Variants in NRDE2 observed in about 807,000 individuals in gnomAD.
NRDE2 encodes the protein NRDE-2, necessary for RNA interference, domain containing, also known as nuclear exosome regulator NRDE2.
In NRDE2, 76 loss-of-function variants were observed where a neutral mutation model predicts 124.2. That is an observed-to-expected ratio of 0.61 (90% CI 0.51 to 0.74). The LOEUF (loss-of-function observed/expected upper bound fraction) is 0.74, where lower values mean the gene tolerates loss of function less well. NRDE2 is among the 30% of genes least tolerant of loss of function. The pLI, the probability that NRDE2 is intolerant of heterozygous loss-of-function variation, is 0.00. For missense variants in NRDE2, 1,314 were observed against 1,417.3 expected (o/e 0.93, Z 1.17); for synonymous variants, 489 against 528.1 (o/e 0.93, Z 1.01).
chr14:90,311,030 T>C (rs1884816875), intron 4 of NRDE2, among the ~76,000 whole-genome samples: 2 of 152,190 alleles, frequency 1.3e-5, no homozygotes, highest in Admixed American at 1.3e-4. Context: ...GAAGGAAATT[T>C]TAGTTGGAAT....
At chr14:90,330,634 G>A (rs1885652072) in intron 1 of NRDE2, among the ~76,000 whole-genome samples, 1 of 152,048 alleles carries the variant, frequency 6.6e-6, no homozygotes, top group South Asian at 2.1e-4. Context: ...AACACAGTGA[G>A]ACCTCGTCTC....
chr14:90,310,261 C>A (rs556101811), intron 4 of NRDE2, among the ~76,000 whole-genome samples: 1 of 152,296 alleles, frequency 6.6e-6, no homozygotes, highest in African/African-American at 2.4e-5. Context: ...CATCTTTCTG[C>A]ATGGGTGGTG....
chr14:90,323,928 G>T (rs1868767812), intron 1 of NRDE2, among the ~76,000 whole-genome samples: 1 of 152,032 alleles, frequency 6.6e-6, no homozygotes, highest in African/African-American at 2.4e-5. Context: ...ACTGGTCTAG[G>T]TGCTAGGAAT....
intron 10 of NRDE2, among the ~76,000 whole-genome samples, chr14:90,290,012 A>C (rs868004183): frequency 3.9e-5 from 6 of 152,324 alleles, no homozygotes; most frequent in South Asian, 4.1e-4. Context: ...CTCGAGAGTC[A>C]CTGAGGTAGC....
Position 90,269,183 on chromosome 14 carries a change from G to T in NRDE2, c.*9153C>A. On this transcript the variant is annotated 3_prime_UTR_variant, in exon 14 of 14. Transcript: ENST00000354366. ...CCTCATCTCTTAGCCACACAGTAGG[G>T]ATTAAGTTTCAACACATAAATTTGG... is the stretch of plus-strand genomic sequence containing the variant. 1 of 544,294 alleles carries T rather than the reference G, an allele frequency of 1.8e-6. No homozygotes were observed. The highest frequency in any genetic ancestry group is 3.3e-6 in the Non-Finnish European group (1 of 307,106). 33.7% of individuals were successfully genotyped at this position (544,294 alleles called of 1,614,324 possible).
intron 2 of NRDE2, among the ~76,000 whole-genome samples, chr14:90,317,510 C>A (rs1165735054): frequency 6.6e-6 from 1 of 152,106 alleles, no homozygotes; most frequent in Non-Finnish European, 1.5e-5. Flanking sequence ...ACCTATTCAC[C>A]CTATTAATGA....
Position 90,285,391 on chromosome 14 carries a change from T to G in NRDE2, c.3297+963A>C, listed in dbSNP as rs1273681702. On this transcript the variant is annotated intron_variant, in intron 12 of 13. Transcript: ENST00000354366. ...ACCTTGGCTCACTGCAGCCTCTGCC[T>G]CCCGCGTTCCAGCGATTCTCCTGCC... is the stretch of plus-strand genomic sequence containing the variant. Among the ~76,000 whole-genome samples, 14 of 136,382 alleles carry G rather than the reference T, an allele frequency of 1.0e-4. No individual in the cohort carries two copies. The Admixed American group carries it at 1.1e-3, about 11-fold the overall frequency. The allele number at this position is 136,382 out of a possible 152,430, so 89.5% of individuals were successfully genotyped here.
intron 7 of NRDE2, 33 bp from the exon 8 acceptor site, chr14:90,298,413 A>T (rs1458224251): frequency 6.2e-7 from 1 of 1,612,862 alleles, no homozygotes; most frequent in Non-Finnish European, 8.5e-7. Flanking sequence ...GTTAGACCTC[A>T]CTTGTATAAA....
rs138048520 is a variant in NRDE2 at position 90,300,398 on chromosome 14, C to G, written c.1545+841G>C. 4.1e-4 allele frequency among the ~76,000 whole-genome samples: 62 copies of G among 152,260 alleles called. No homozygotes were observed. The East Asian group carries it at 0.011, about 27-fold the overall frequency. On this transcript the variant is annotated intron_variant, in intron 7 of 13. Transcript: ENST00000354366. ...CTTTACTGGCAATTCATGAAACTCC[C>G]ACATGACGGAGGCCTTGGCCTCTCA...
intron 4 of NRDE2, among the ~76,000 whole-genome samples, chr14:90,311,187 T>C (rs999289598): frequency 6.6e-6 from 1 of 152,252 alleles, no homozygotes; most frequent in Admixed American, 6.5e-5. Context: ...CTTGGCTTTA[T>C]ATTCTAAGAT....
chr14:90,292,401 G>A (rs1298895918), intron 9 of NRDE2, among the ~76,000 whole-genome samples: 1 of 152,150 alleles, frequency 6.6e-6, no homozygotes, highest in African/African-American at 2.4e-5. Flanking sequence ...TGAATGACCT[G>A]GAAGACAATC....
At chr14:90,287,512 C>T (rs1250441897) in intron 11 of NRDE2, among the ~76,000 whole-genome samples, 2 of 151,756 alleles carry the variant, frequency 1.3e-5, no homozygotes, top group East Asian at 1.9e-4. Flanking sequence ...TCCCAGCTAC[C>T]GGGGAGACTG....
chr14:90,299,749 G>A (rs996221281), intron 7 of NRDE2, among the ~76,000 whole-genome samples: 9 of 152,132 alleles, frequency 5.9e-5, no homozygotes, highest in African/African-American at 9.7e-5. Flanking sequence ...GGACGACTAC[G>A]CTCCCTCTTT....
chr14:90,303,387 A>G (rs1246608402), intron 5 of NRDE2, among the ~76,000 whole-genome samples: 1 of 152,252 alleles, frequency 6.6e-6, no homozygotes, highest in Non-Finnish European at 1.5e-5. Flanking sequence ...ATGCCTTGAA[A>G]GTCTTTTCTG....
chr14:90,301,479 G>T, intron 6 of NRDE2, 107 bp from the exon 7 acceptor site: 1 of 942,870 alleles, frequency 1.1e-6, no homozygotes, highest in Non-Finnish European at 1.6e-6. Flanking sequence ...CCTTTCACCT[G>T]CAATCACTAT....
rs1189566467 is a variant in NRDE2 at position 90,268,418 on chromosome 14, AC to A, written c.*9917del. The A allele has an allele frequency of 3.7e-6, 6 of 1,613,438 alleles. No individual in the cohort carries two copies. The highest frequency in any genetic ancestry group is 1.3e-5 in the African/African-American group (1 of 74,876). On this transcript the variant is annotated 3_prime_UTR_variant, in exon 14 of 14. Transcript: ENST00000354366. ...TGACGCCATTGGGACAAAAAGGTAG[AC>A]TTTCTCATACTTATTTTGCCTTGTT...
In NRDE2 at chr14:90,277,909, G is replaced by A. The variant is rs1175515259; in HGVS notation, c.*427C>T. 6.1e-6 allele frequency: 1 copy of A among 162,668 alleles called. No homozygotes were observed. Among genetic ancestry groups the A allele is most frequent in the African/African-American group, 2.4e-5 (1 of 41,812 alleles). 10.1% of individuals were successfully genotyped at this position (162,668 alleles called of 1,614,324 possible). On this transcript the variant is annotated 3_prime_UTR_variant, in exon 14 of 14. Transcript: ENST00000354366. Reference sequence around the variant, plus strand: ...GCAAAATCTCCTGCTCACCAGCCTGGGGAAGACATCCTAGTGCTGAAAAAC... The same window carrying A: ...GCAAAATCTCCTGCTCACCAGCCTGAGGAAGACATCCTAGTGCTGAAAAAC...
rs765616269 is a variant in NRDE2, at chr14:90,289,034, A to C, written c.2341T>G (p.Cys781Gly). ...AGATGTGCATACTGCTTCCACAGGC[A>C]AAAGTTGTTGCAGTTTTCTGGCTCC... ...LKEPENCNNF[C>G]LWKQYAHLEW... Residue 781 changes from cysteine to glycine, a missense_variant, in exon 11 of 14, where the codon TGC becomes GGC. Coordinates refer to ENST00000354366, the MANE Select transcript of NRDE2 (RefSeq NM_017970.4). 2 of 1,614,036 alleles carry C rather than the reference A, an allele frequency of 1.2e-6. No individual in the cohort carries two copies. The highest frequency in any genetic ancestry group is 3.3e-5 in the Admixed American group (2 of 60,008).
Position 90,288,416 on chromosome 14 carries a change from G to C in NRDE2, c.2959C>G (p.Leu987Val), listed in dbSNP as rs1892169369. The C allele has an allele frequency of 1.9e-6, 3 of 1,614,076 alleles. No homozygotes were observed. Among genetic ancestry groups the C allele is most frequent in the Non-Finnish European group, 2.5e-6 (3 of 1,180,042 alleles). ...GGATACAACTTTAAAGCCTGTGAGA[G>C]TGCCTCTCGCAGAGGGGCCAGCGGG... is the stretch of plus-strand genomic sequence containing the variant. The part of the protein sequence containing the change: ...VYPLAPLREA[L>V]SQALKLYPGN... Residue 987 changes from leucine to valine, a missense_variant, in exon 11 of 14, where the codon CTC becomes GTC. By Grantham distance (32) the Leu-to-Val change is conservative. Coordinates refer to ENST00000354366, the MANE Select transcript of NRDE2 (RefSeq NM_017970.4).
Sources: allele counts gnomAD v4.1 joint callset (sites outside exome capture counted in the v4.1 genomes callset), GRCh38; gene constraint gnomAD v4.1.1; transcripts MANE v1.5; gene names NCBI Gene and HGNC (gene_info 2026-07-23, HGNC 2026-07-21).